Variants in INPP5K observed in about 807,000 individuals in gnomAD.
The protein encoded by INPP5K is inositol polyphosphate 5-phosphatase K.
Under a neutral mutation model 53.5 loss-of-function variants are expected in INPP5K, and 35 were observed. The ratio of observed to expected loss-of-function variants is 0.65; its 90% confidence interval spans 0.50 to 0.87. The LOEUF (loss-of-function observed/expected upper bound fraction) is 0.87, where lower values mean the gene tolerates loss of function less well. Among genes scored for constraint, INPP5K ranks in the 40% least tolerant of loss-of-function variants. INPP5K has a pLI of 0.00. For missense variants in INPP5K, 550 were observed against 586.2 expected, an observed-to-expected ratio of 0.94 and a Z score of 0.64; for synonymous variants, 253 against 232.8, an observed-to-expected ratio of 1.09 and a Z score of -0.79.
intron 7 of INPP5K, among the ~76,000 whole-genome samples, chr17:1,499,424 C>A (rs200270237): frequency 6.6e-6 from 1 of 152,030 alleles, no homozygotes; most frequent in South Asian, 2.1e-4. Flanking sequence ...AGCTGGCAGG[C>A]GGAGGTTGCA....
intron 7 of INPP5K, among the ~76,000 whole-genome samples, chr17:1,503,342 C>T (rs1243235481): frequency 6.6e-6 from 1 of 151,942 alleles, no homozygotes. Flanking sequence ...CGCCACCATG[C>T]CCGGCTAATT....
At chr17:1,507,439 C>T (rs566101504) in intron 6 of INPP5K, 4 of 267,888 alleles carry the variant, frequency 1.5e-5, no homozygotes, top group African/African-American at 8.8e-5. Flanking sequence ...GCACCTCACC[C>T]TCCAAGAGGG....
chr17:1,497,618 G>C (rs1411144303), intron 8 of INPP5K: 3 of 217,298 alleles, frequency 1.4e-5, no homozygotes, highest in Non-Finnish European at 2.8e-5. Flanking sequence ...ACTTGATCCA[G>C]ATAGATTTAG....
At chr17:1,504,741 C>G (rs901592678) in intron 7 of INPP5K, among the ~76,000 whole-genome samples, 1 of 152,250 alleles carries the variant, frequency 6.6e-6, no homozygotes, top group Non-Finnish European at 1.5e-5. Context: ...TTGGCGCACA[C>G]CTGCACGCCA....
intron 7 of INPP5K, among the ~76,000 whole-genome samples, chr17:1,499,306 A>C (rs2074944995): frequency 6.6e-6 from 1 of 152,028 alleles, no homozygotes; most frequent in African/African-American, 2.4e-5. Context: ...AGGTCAGGAG[A>C]TCGAGACCAT....
chr17:1,496,389 T>C lies in INPP5K; in HGVS notation c.1115A>G (p.Asp372Gly). The change falls in exon 10 of 12, where the codon GAC becomes GGC. Residue 372 changes from aspartate to glycine, a missense_variant. Asp to Gly is a moderately conservative substitution (Grantham distance 94, BLOSUM62 -1). Transcript: ENST00000421807. ...WIGLYKVGLR[D>G]VNDYVSYAWV... Reference sequence around the variant, plus strand: ...GGCATAGGACACGTAGTCATTAACGTCCCGCAGCCCCACCTGTGAGGGGGA... The same window carrying C: ...GGCATAGGACACGTAGTCATTAACGCCCCGCAGCCCCACCTGTGAGGGGGA... The C allele has an allele frequency of 6.4e-7, 1 of 1,561,334 alleles. No homozygotes were observed. Among genetic ancestry groups the C allele is most frequent in the East Asian group, 2.4e-5 (1 of 42,144 alleles).
In INPP5K at chr17:1,508,172, G is replaced by C. The variant is rs2075209361; in HGVS notation, c.609C>G (p.His203Gln). The change falls in exon 6 of 12, where the codon CAC becomes CAG. Residue 203 changes from histidine (H) to glutamine (Q), a missense_variant. By Grantham distance (24) the His-to-Gln change is conservative. Coordinates refer to ENST00000421807, the MANE Select transcript of INPP5K (RefSeq NM_016532.4). ...MNFRIEDFGLHFVRESIKNRC... is the reference protein window; with the variant it reads ...MNFRIEDFGLQFVRESIKNRC... Reference sequence around the variant, plus strand: ...GATTTTTAATGGATTCCCGAACAAAGTGCAACCCAAAGTCCTCGATCCGAA... The same window carrying C: ...GATTTTTAATGGATTCCCGAACAAACTGCAACCCAAAGTCCTCGATCCGAA... 6.2e-7 allele frequency: 1 copy of C among 1,614,114 alleles called. No homozygotes were observed. Among genetic ancestry groups the C allele is most frequent in the Non-Finnish European group, 8.5e-7 (1 of 1,180,022 alleles).
chr17:1,496,761 C>T lies in INPP5K; in HGVS notation c.1006G>A (p.Glu336Lys), dbSNP rs746982883. 8.1e-6 allele frequency: 13 copies of T among 1,614,172 alleles called. No homozygotes were observed. The highest frequency in any genetic ancestry group is 1.3e-5 in the African/African-American group (1 of 75,058). Residue 336 changes from glutamate to lysine, a missense_variant, in exon 9 of 12, where the codon GAG becomes AAG. Transcript: ENST00000421807. ...VSAPLIVLMP[E>K]DLWTVENDMM... ...TCATTTTCCACGGTCCACAGGTCCT[C>T]GGGCATCAGGACGATCAGCGGAGCA...
At chr17:1,504,167 C>T (rs561031312) in intron 7 of INPP5K, among the ~76,000 whole-genome samples, 52 of 152,164 alleles carry the variant, frequency 3.4e-4, no homozygotes, top group Non-Finnish European at 6.5e-4. Context: ...TGTGCTACTC[C>T]CAGGGATGGT....
At chr17:1,506,378 G>A (rs567876255) in intron 7 of INPP5K, among the ~76,000 whole-genome samples, 42 of 152,262 alleles carry the variant, frequency 2.8e-4, no homozygotes, top group African/African-American at 8.4e-4. Flanking sequence ...ACTGGGTGAC[G>A]GCCTCCTTCA....
At chr17:1,502,928 T>C (rs2075062479) in intron 7 of INPP5K, among the ~76,000 whole-genome samples, 1 of 151,402 alleles carries the variant, frequency 6.6e-6, no homozygotes, top group African/African-American at 2.4e-5. Context: ...GTCTCACTGT[T>C]GCCCAGGCTG....
intron 1 of INPP5K, chr17:1,516,087 C>T: frequency 8.8e-7 from 1 of 1,138,414 alleles, no homozygotes; most frequent in Non-Finnish European, 1.1e-6. Context: ...CGGGGTTCAC[C>T]ATGGGATCAG....
In INPP5K at chr17:1,495,773, G is replaced by A. The variant is rs551204434; in HGVS notation, c.*50C>T. ...CAGCACTCCCGGCAGTGGAAAGGCAGAGCTGGCTGCCAGCTCTGGCCTCCG... is the reference window on the plus strand; with the variant it reads ...CAGCACTCCCGGCAGTGGAAAGGCAAAGCTGGCTGCCAGCTCTGGCCTCCG... On this transcript the variant is annotated 3_prime_UTR_variant, in exon 12 of 12. Transcript: ENST00000421807. 2 of 1,437,284 alleles carry A rather than the reference G, an allele frequency of 1.4e-6. No individual in the cohort carries two copies. Among genetic ancestry groups the A allele is most frequent in the East Asian group, 2.3e-5 (1 of 43,816 alleles). 89.0% of individuals were successfully genotyped at this position (1,437,284 alleles called of 1,614,324 possible).
rs955687722 is a variant in INPP5K, at chr17:1,495,396, T to C, written c.*427A>G. The C allele has an allele frequency of 3.0e-5, 5 of 168,694 alleles. No homozygotes were observed. The highest frequency in any genetic ancestry group is 1.2e-4 in the African/African-American group (5 of 41,650). 10.4% of individuals were successfully genotyped at this position (168,694 alleles called of 1,614,324 possible). A position where few individuals can be genotyped will look rare whatever the true frequency, so the allele number is the denominator to read the frequency against. ...TGGAATCCAGCACTGCTTGCACCAG[T>C]CTATGTAGCCTGTACAAATGTGAGC... On this transcript the variant is annotated 3_prime_UTR_variant, in exon 12 of 12. Transcript: ENST00000421807.
chr17:1,515,645 C>T (rs2075416560), intron 1 of INPP5K: 1 of 958,822 alleles, frequency 1.0e-6, no homozygotes, highest in Admixed American at 6.2e-5. Flanking sequence ...CAAAACATCT[C>T]TCCTCCAACA....
At chr17:1,495,998 TCA>T (rs2150975886) in intron 11 of INPP5K, 60 bp downstream of exon 11, 1 of 1,422,974 alleles carries the variant, frequency 7.0e-7, no homozygotes, top group South Asian at 1.2e-5. Context: ...GGCCTGGGCC[TCA>T]GGGAGCCAGT....
rs749894441 is a variant in INPP5K at position 1,509,266 on chromosome 17, T to C, written c.466A>G (p.Asn156Asp). 3.7e-6 allele frequency: 6 copies of C among 1,614,048 alleles called. No homozygotes were observed. Among genetic ancestry groups the C allele is most frequent in the South Asian group, 1.1e-5 (1 of 91,074 alleles). The change falls in exon 5 of 12, where the codon AAC becomes GAC. Residue 156 changes from asparagine to aspartate, a missense_variant. By Grantham distance (23) the Asn-to-Asp change is conservative. Coordinates refer to ENST00000421807, the MANE Select transcript of INPP5K (RefSeq NM_016532.4). Reference protein sequence around the residue: ...INCHLPPHISNNYQRLEHFDR... With the variant: ...INCHLPPHISDNYQRLEHFDR... ...AAGTGCTCCAGCCGCTGGTAATTGT[T>C]GGAAATGTGGGGAGGCAGGTGGCAG...
At chr17:1,511,021 T>C (rs1567562828) in intron 3 of INPP5K, among the ~76,000 whole-genome samples, 1 of 151,858 alleles carries the variant, frequency 6.6e-6, no homozygotes, top group Non-Finnish European at 1.5e-5. Flanking sequence ...CTGTGTACAT[T>C]ATAGCTCAGT....
At chr17:1,498,629 G>T (rs1211009867) in intron 7 of INPP5K, among the ~76,000 whole-genome samples, 1 of 152,122 alleles carries the variant, frequency 6.6e-6, no homozygotes, top group Non-Finnish European at 1.5e-5. Flanking sequence ...TAAAGAGACA[G>T]GGTCTTGCTC....
Sources: allele counts gnomAD v4.1 joint callset (sites outside exome capture counted in the v4.1 genomes callset), GRCh38; gene constraint gnomAD v4.1.1; transcripts MANE v1.5; gene names NCBI Gene and HGNC (gene_info 2026-07-23, HGNC 2026-07-21).